CAMK4: variants seen among roughly 807,000 people sequenced by gnomAD.
The protein encoded by CAMK4 is calcium/calmodulin dependent protein kinase IV.
A neutral mutation model predicts 44.9 loss-of-function variants in CAMK4; 22 were observed. The ratio of observed to expected loss-of-function variants is 0.49; its 90% CI spans 0.35 to 0.70. The LOEUF (loss-of-function observed/expected upper bound fraction) is 0.70, where lower values mean the gene tolerates loss of function less well. Ranked by LOEUF, CAMK4 falls within the 30% of genes least tolerant of loss-of-function variation. The pLI is 0.01. For missense variants in CAMK4, 498 were observed against 586.8 expected, an observed-to-expected ratio of 0.85 and a Z score of 1.56; for synonymous variants, 218 against 215.4, an observed-to-expected ratio of 1.01 and a Z score of -0.11.
chr5:111,388,608 A>C (rs1190280067), intron 4 of CAMK4, among the ~76,000 whole-genome samples: 2 of 152,132 alleles, frequency 1.3e-5, no homozygotes, highest in African/African-American at 4.8e-5. Flanking sequence ...GCATTTTCTC[A>C]GAGCTCTCAG....
At chr5:111,327,514 G>A (rs1196524804) in intron 1 of CAMK4, among the ~76,000 whole-genome samples, 5 of 152,208 alleles carry the variant, frequency 3.3e-5, no homozygotes, top group African/African-American at 9.6e-5. Flanking sequence ...AGTCCTTTGG[G>A]TATATACCCA....
intron 5 of CAMK4, among the ~76,000 whole-genome samples, chr5:111,424,620 A>C (rs1354816567): frequency 6.6e-6 from 1 of 150,844 alleles, no homozygotes; most frequent in African/African-American, 2.4e-5. Context: ...AATTTTTAAA[A>C]ATATTTTTAG....
At chr5:111,454,637 G>A (rs1203763799) in intron 7 of CAMK4, among the ~76,000 whole-genome samples, 7 of 121,800 alleles carry the variant, frequency 5.7e-5, no homozygotes, top group African/African-American at 1.7e-4. Context: ...AAATAAGTAG[G>A]TCACACAGAC....
intron 5 of CAMK4, among the ~76,000 whole-genome samples, chr5:111,425,596 G>A (rs1446185869): frequency 2.0e-5 from 3 of 152,142 alleles, no homozygotes; most frequent in Non-Finnish European, 2.9e-5. Context: ...TAAGTACCAG[G>A]AATGATGAGA....
At chr5:111,436,727 T>C (rs1336418699) in intron 5 of CAMK4, among the ~76,000 whole-genome samples, 2 of 152,202 alleles carry the variant, frequency 1.3e-5, no homozygotes, top group Non-Finnish European at 2.9e-5. Context: ...ACTACTTCTT[T>C]AGCCACTTGA....
chr5:111,228,223 G>A (rs1479479863), intron 1 of CAMK4, among the ~76,000 whole-genome samples: 1 of 152,140 alleles, frequency 6.6e-6, no homozygotes, highest in East Asian at 1.9e-4. Context: ...AAGATAATTA[G>A]AACAAGAGAA....
intron 5 of CAMK4, among the ~76,000 whole-genome samples, chr5:111,439,544 A>G (rs1050979529): frequency 7.9e-5 from 12 of 152,218 alleles, no homozygotes; most frequent in African/African-American, 2.9e-4. Context: ...GAATACAGGT[A>G]CAGAAGAAGC....
intron 5 of CAMK4, among the ~76,000 whole-genome samples, chr5:111,416,749 A>T (rs1044957337): frequency 6.6e-5 from 10 of 152,204 alleles, no homozygotes; most frequent in Non-Finnish European, 1.2e-4. Context: ...TATGCAAAAA[A>T]CTTAGCTAAA....
At position 111,493,197 on chromosome 5, in the gene CAMK4, A is replaced by C. The variant is rs138323892; in HGVS notation, c.*8731A>C. The stretch of plus-strand genomic sequence containing the variant: ...TGTGCAGCCTTTCCTCAGAGCATCT[A>C]GCCTGACATACTTGGCTCATCTGCT... On this transcript the variant is annotated 3_prime_UTR_variant, in exon 11 of 11. Transcript: ENST00000282356. This position sits in a 1 kb window ranked among gnomAD's most constrained non-coding sequence, Gnocchi z 4.1. 1 of 152,198 alleles carries C rather than the reference A, an allele frequency of 6.6e-6. No homozygotes were observed. The highest frequency in any genetic ancestry group is 6.6e-5 in the Admixed American group (1 of 15,260). The allele number at this position is 152,198 out of a possible 1,614,324, so 9.4% of individuals were successfully genotyped here.
rs997878711 is a variant in CAMK4 at position 111,454,059 on chromosome 5, A to G, written c.625+4856A>G. On this transcript the variant is annotated intron_variant, in intron 7 of 10. Transcript: ENST00000282356. ...GGAGAGACAGGCTCTCTGCAACCAG[A>G]AAAGCTTTTTAAGATGTCAAAAACA... Among the ~76,000 whole-genome samples, 20 of 152,340 alleles carry G rather than the reference A, an allele frequency of 1.3e-4. No homozygotes were observed. The South Asian group carries it at 2.3e-3, about 17-fold the overall frequency.
intron 1 of CAMK4, among the ~76,000 whole-genome samples, chr5:111,281,105 T>C (rs1404413263): frequency 6.6e-6 from 1 of 152,190 alleles, no homozygotes; most frequent in African/African-American, 2.4e-5. Context: ...CTGTTTTCTA[T>C]AACAGTATTC....
chr5:111,370,415 T>G (rs1190612411), intron 2 of CAMK4, among the ~76,000 whole-genome samples: 1 of 151,992 alleles, frequency 6.6e-6, no homozygotes, highest in Non-Finnish European at 1.5e-5. Flanking sequence ...TGTGAAAAAA[T>G]TAAAGGATTC....
chr5:111,440,340 G>C (rs1753781336), intron 5 of CAMK4, among the ~76,000 whole-genome samples: 1 of 152,188 alleles, frequency 6.6e-6, no homozygotes, highest in African/African-American at 2.4e-5. Context: ...AGGACTGGAA[G>C]TGCAACTGTT....
chr5:111,459,196 C>T (rs1035394828), intron 7 of CAMK4, among the ~76,000 whole-genome samples: 2 of 152,066 alleles, frequency 1.3e-5, no homozygotes, highest in African/African-American at 4.8e-5. Context: ...ATTAGTAGGC[C>T]AGAGAGAAGA....
At chr5:111,356,534 T>A (rs1750363934) in intron 2 of CAMK4, among the ~76,000 whole-genome samples, 1 of 152,264 alleles carries the variant, frequency 6.6e-6, no homozygotes, top group East Asian at 1.9e-4. Context: ...AATTTTGGCT[T>A]TTGTTACCAT....
chr5:111,379,471 G>A (rs1751335479), intron 4 of CAMK4, among the ~76,000 whole-genome samples: 1 of 152,112 alleles, frequency 6.6e-6, no homozygotes, highest in Non-Finnish European at 1.5e-5. Context: ...TTAAAAGATA[G>A]ACTCTTTTCC....
intron 7 of CAMK4, among the ~76,000 whole-genome samples, chr5:111,466,598 A>G (rs935589967): frequency 1.3e-5 from 2 of 152,214 alleles, no homozygotes; most frequent in African/African-American, 4.8e-5. Context: ...CCCTTTTACA[A>G]TAGCAGCAAA....
At chr5:111,254,034 A>G (rs1749632207) in intron 1 of CAMK4, among the ~76,000 whole-genome samples, 1 of 152,244 alleles carries the variant, frequency 6.6e-6, no homozygotes, top group African/African-American at 2.4e-5. Context: ...TAAAACTACC[A>G]TAGTTTAAGA....
At chr5:111,258,397 AACTG>A (rs1296318708) in intron 1 of CAMK4, among the ~76,000 whole-genome samples, 2 of 152,152 alleles carry the variant, frequency 1.3e-5, no homozygotes, top group African/African-American at 4.8e-5. Flanking sequence ...ACACACCCAA[AACTG>A]GGAACAAAAA....
Sources: allele counts gnomAD v4.1 joint callset (sites outside exome capture counted in the v4.1 genomes callset), GRCh38; gene constraint gnomAD v4.1.1; non-coding constraint Gnocchi (gnomAD v3.1); transcripts MANE v1.5; gene names NCBI Gene and HGNC (gene_info 2026-07-23, HGNC 2026-07-21).